The following WDR35 variants were observed in gnomAD, a reference collection of about 807,000 sequenced individuals.
WDR35 encodes the protein WD repeat domain 35.
In WDR35, 118 loss-of-function variants were observed where a neutral mutation model predicts 158.3. The ratio of observed to expected loss-of-function variants is 0.75; its 90% CI spans 0.64 to 0.87. The LOEUF is 0.87. WDR35 is among the 40% of genes least tolerant of loss of function. WDR35 has a pLI of 0.00. For synonymous variants in WDR35, 448 were observed against 476.1 expected, an observed-to-expected ratio of 0.94 and a Z score of 0.77; for missense variants, 1,263 against 1,405.8, an observed-to-expected ratio of 0.90 and a Z score of 1.62.
At chr2:19,988,480 C>T (rs565085898) in intron 2 of WDR35, among the ~76,000 whole-genome samples, 17 of 152,186 alleles carry the variant, frequency 1.1e-4, no homozygotes, top group African/African-American at 3.9e-4. Context: ...GTAAGGAATC[C>T]AAAAATGTAA....
intron 25 of WDR35, among the ~76,000 whole-genome samples, chr2:19,914,508 G>A (rs1176327779): frequency 6.6e-6 from 1 of 152,162 alleles, no homozygotes; most frequent in Non-Finnish European, 1.5e-5. Flanking sequence ...ACCAAATGCT[G>A]CACATGGCTG....
intron 25 of WDR35, among the ~76,000 whole-genome samples, chr2:19,929,035 C>T (rs528284754): frequency 6.6e-6 from 1 of 152,252 alleles, no homozygotes; most frequent in East Asian, 1.9e-4. Flanking sequence ...TCTCGATCTC[C>T]TGACCTTGTG....
chr2:19,941,215 G>A (rs1024526842), intron 17 of WDR35, among the ~76,000 whole-genome samples: 2 of 151,884 alleles, frequency 1.3e-5, no homozygotes. Context: ...CTCAAAGGAT[G>A]GTCAATGTAG....
At chr2:19,923,034 A>C (rs1244650988) in intron 25 of WDR35, among the ~76,000 whole-genome samples, 1 of 152,186 alleles carries the variant, frequency 6.6e-6, no homozygotes, top group Admixed American at 6.5e-5. Context: ...CCATTCCTTC[A>C]TTTCTCATAA....
At chr2:19,942,248 T>C (rs1670903344) in intron 16 of WDR35, among the ~76,000 whole-genome samples, 1 of 152,172 alleles carries the variant, frequency 6.6e-6, no homozygotes, top group East Asian at 1.9e-4. Context: ...ATTCATGCAA[T>C]TCAATATTAA....
At chr2:19,974,041 T>G (rs974016357) in intron 7 of WDR35, among the ~76,000 whole-genome samples, 2 of 151,608 alleles carry the variant, frequency 1.3e-5, no homozygotes, top group African/African-American at 2.4e-5. Flanking sequence ...AAGGCTGCAG[T>G]GAGCCAAGAA....
At chr2:19,983,816 A>G (rs1277823544) in intron 2 of WDR35, among the ~76,000 whole-genome samples, 2 of 152,164 alleles carry the variant, frequency 1.3e-5, no homozygotes, top group Admixed American at 1.3e-4. Context: ...TCATCTGTCA[A>G]TTAAGATAGA....
intron 25 of WDR35, among the ~76,000 whole-genome samples, chr2:19,921,581 G>A (rs1670169492): frequency 6.6e-6 from 1 of 152,158 alleles, no homozygotes; most frequent in Non-Finnish European, 1.5e-5. Flanking sequence ...ATTAACTCAA[G>A]ATGGATTAAA....
At chr2:19,956,337 C>G (rs1437171587) in intron 11 of WDR35, among the ~76,000 whole-genome samples, 2 of 152,270 alleles carry the variant, frequency 1.3e-5, no homozygotes, top group South Asian at 4.1e-4. Context: ...ATCCTAAATA[C>G]TCACAAGGGT....
intron 25 of WDR35, among the ~76,000 whole-genome samples, chr2:19,915,555 T>C (rs1013827699): frequency 1.3e-5 from 2 of 152,116 alleles, no homozygotes; most frequent in Non-Finnish European, 1.5e-5. Flanking sequence ...ATGATACAGC[T>C]ATTTTAAACA....
chr2:19,945,025 C>T (rs1006171122), intron 16 of WDR35, among the ~76,000 whole-genome samples: 1 of 152,104 alleles, frequency 6.6e-6, no homozygotes, highest in African/African-American at 2.4e-5. Flanking sequence ...AAATCCATTA[C>T]TAATTCAAAA....
intron 16 of WDR35, among the ~76,000 whole-genome samples, chr2:19,942,715 T>C (rs749797140): frequency 4.6e-5 from 7 of 152,146 alleles, no homozygotes; most frequent in Non-Finnish European, 8.8e-5. Context: ...TATTAATGCA[T>C]AAGTAAATAC....
Position 19,946,076 on chromosome 2 carries a change from T to C in WDR35, c.1635-80A>G, listed in dbSNP as rs1490649893. 6.4e-6 allele frequency: 9 copies of C among 1,412,516 alleles called. No homozygotes were observed. In the East Asian group the frequency reaches 1.9e-4, roughly 29 times the overall value. 87.5% of individuals were successfully genotyped at this position (1,412,516 alleles called of 1,614,324 possible). A position where few individuals can be genotyped will look rare whatever the true frequency, so the allele number is the denominator to read the frequency against. On this transcript the variant is annotated intron_variant, in intron 15 of 26. Transcript: ENST00000281405. ...TCATGAGAATAATTACCTATAGCCA[T>C]TCTTCTTCAAAATCAGATTATCAGA... is the stretch of plus-strand genomic sequence containing the variant.
intron 5 of WDR35, 76 bp downstream of exon 5, chr2:19,978,675 A>G (rs1041044696): frequency 3.6e-5 from 57 of 1,598,054 alleles, no homozygotes; most frequent in Non-Finnish European, 4.6e-5. Context: ...AACATATGGT[A>G]ACTAACTTAA....
chr2:19,958,119 C>T (rs543345957), intron 11 of WDR35, among the ~76,000 whole-genome samples: 21 of 152,240 alleles, frequency 1.4e-4, no homozygotes, highest in African/African-American at 4.8e-4. Context: ...ATGTTTTCAT[C>T]AAATTAACTT....
rs547025434 is a variant in WDR35 at position 19,936,120 on chromosome 2, A to G, written c.2414+99T>C. 9.7e-6 allele frequency: 15 copies of G among 1,554,226 alleles called. No homozygotes were observed. The African/African-American group carries it at 1.8e-4, about 18-fold the overall frequency. ...GCTATCTGAATTTTAGAATTCAAGA[A>G]AATGATCTTCATTTCCCCAGGATTA... On this transcript the variant is annotated intron_variant, in intron 20 of 26. Coordinates refer to ENST00000281405, the MANE Select transcript of WDR35 (RefSeq NM_020779.4).
rs553618905 is a variant in WDR35, at chr2:19,978,956, C to A, written c.308-77G>T. 5 of 1,573,400 alleles carry A rather than the reference C, an allele frequency of 3.2e-6. No homozygotes were observed. In the South Asian group the frequency reaches 4.5e-5, roughly 14 times the overall value. ...ATAGTAGTTAAGAATTGAAAGCATT[C>A]CATAAAGTACGCCATGGGACAAATA... is the stretch of plus-strand genomic sequence containing the variant. On this transcript the variant is annotated intron_variant, in intron 4 of 26. Coordinates refer to ENST00000281405, the MANE Select transcript of WDR35 (RefSeq NM_020779.4).
At chr2:19,989,104 C>A (rs1447600238) in intron 2 of WDR35, 61 bp downstream of exon 2, 6 of 1,385,620 alleles carry the variant, frequency 4.3e-6, no homozygotes, top group East Asian at 4.6e-5. Flanking sequence ...ATGAGTAGAC[C>A]GCACTGAACA....
At chr2:19,946,682 G>A in intron 14 of WDR35, 112 bp from the exon 15 acceptor site, 2 of 927,174 alleles carry the variant, frequency 2.2e-6, no homozygotes, top group Non-Finnish European at 1.7e-6. Flanking sequence ...TGATGTCACA[G>A]CAAATTCTCA....
Sources: gnomAD v4.1 joint callset for allele counts (sites outside exome capture counted in the v4.1 genomes callset) on GRCh38, gnomAD v4.1.1 for gene constraint, MANE v1.5 for transcripts, NCBI Gene and HGNC (gene_info 2026-07-23, HGNC 2026-07-21) for gene names.